BRME1: variants seen among roughly 807,000 people sequenced by gnomAD.
BRME1 encodes the protein BRCA2 and MEILB2-associating protein 1.
BRME1 carries 31 observed loss-of-function variants against 52.6 expected under a neutral mutation model. The observed-to-expected ratio is 0.59, with a 90% CI of 0.44 to 0.80. BRME1 has a LOEUF of 0.80. BRME1 is among the 30% of genes least tolerant of loss of function. The pLI, the probability that BRME1 is intolerant of heterozygous loss-of-function variation, is 0.00. For missense variants in BRME1, 804 were observed against 860.3 expected, an observed-to-expected ratio of 0.93 and a Z score of 0.82; for synonymous variants, 359 against 353.6, an observed-to-expected ratio of 1.02 and a Z score of -0.17.
intron 2 of BRME1, among the ~76,000 whole-genome samples, chr19:13,901,390 A>T (rs898268576): frequency 6.6e-6 from 1 of 152,124 alleles, no homozygotes; most frequent in Non-Finnish European, 1.5e-5. Context: ...AGTAAGTGTG[A>T]TGATTCGATT....
intron 6 of BRME1, among the ~76,000 whole-genome samples, chr19:13,887,677 T>G (rs1315619237): frequency 1.3e-5 from 2 of 151,880 alleles, no homozygotes; most frequent in African/African-American, 4.8e-5. Flanking sequence ...GGCATGAAGC[T>G]CTCATAAAAT....
At position 13,883,393 on chromosome 19, in the gene BRME1, C is replaced by G; in HGVS notation, c.1771G>C (p.Val591Leu). 1 of 1,533,576 alleles carries G rather than the reference C, an allele frequency of 6.5e-7. No individual in the cohort carries two copies. Among genetic ancestry groups the G allele is most frequent in the Non-Finnish European group, 8.7e-7 (1 of 1,144,776 alleles). 95.0% of individuals were successfully genotyped at this position (1,533,576 alleles called of 1,614,324 possible). ...GAGGCCTCAGAGGCCTGGATCCCCA[C>G]GAAGGTCCTGGCCAGCAGGGAAGGA... The part of the protein sequence containing the change: ...AVAKAQPRTF[V>L]GIQASEASRM... Residue 591 changes from valine (V) to leucine (L), a missense_variant, in exon 8 of 9, where the codon GTG (valine) becomes CTG (leucine). Physicochemically the swap from Val to Leu is conservative, Grantham distance 32. Around this residue, in one of 3 missense-constraint regions of BRME1, gnomAD observed 552 missense variants for 561.1 expected, o/e 0.98. Transcript: ENST00000586783. This position sits in a 1 kb window ranked among gnomAD's most constrained non-coding sequence, Gnocchi z 4.2.
intron 5 of BRME1, among the ~76,000 whole-genome samples, chr19:13,891,847 C>T (rs995803029): frequency 3.3e-5 from 5 of 151,414 alleles, no homozygotes; most frequent in Non-Finnish European, 5.9e-5. Context: ...CCGAGGCAGG[C>T]GGATCATTTG....
In BRME1 at chr19:13,882,913, G is replaced by C. The variant is rs1482837796; in HGVS notation, c.1896C>G (p.Phe632Leu). Reference sequence around the variant, plus strand: ...TTGTCTTCCGGTAGTTAAGGCGCTTGAAAGCTTCCAGGTCCCGGTGGGTGC... The same window carrying C: ...TTGTCTTCCGGTAGTTAAGGCGCTTCAAAGCTTCCAGGTCCCGGTGGGTGC... ...IMGTHRDLEA[F>L]KRLNYRKTKL... Residue 632 changes from phenylalanine to leucine, a missense_variant, in exon 9 of 9, where the codon TTC becomes TTG. By Grantham distance (22) the Phe-to-Leu change is conservative. This residue lies in a region of BRME1 where 552 missense variants were observed against 561.1 expected (regional missense o/e 0.98). Coordinates refer to ENST00000586783, the MANE Select transcript of BRME1 (RefSeq NM_001345843.2). 6.2e-7 allele frequency: 1 copy of C among 1,613,868 alleles called. No homozygotes were observed. The highest frequency in any genetic ancestry group is 8.5e-7 in the Non-Finnish European group (1 of 1,179,998).
chr19:13,890,391 G>A lies in BRME1; in HGVS notation c.465C>T (p.Leu155=), dbSNP rs1394943226. The part of the protein sequence containing the change: ...QLLVETLGVP[L]QEATELGDPT... ...GGTCCCCCAGCTCCGTGGCCTCCTG[G>A]AGGGGGACCCCCAGGGTCTCCACTA... is the stretch of plus-strand genomic sequence containing the variant. Residue 155 remains leucine (L), a synonymous_variant, in exon 6 of 9, where the codon CTC becomes CTT. Coordinates refer to ENST00000586783, the MANE Select transcript of BRME1 (RefSeq NM_001345843.2). 4 of 1,534,332 alleles carry A rather than the reference G, an allele frequency of 2.6e-6. No individual in the cohort carries two copies. Among genetic ancestry groups the A allele is most frequent in the Non-Finnish European group, 3.5e-6 (4 of 1,147,252 alleles).
chr19:13,887,314 G>A (rs1192321337), intron 6 of BRME1, among the ~76,000 whole-genome samples: 1 of 152,228 alleles, frequency 6.6e-6, no homozygotes, highest in Non-Finnish European at 1.5e-5. Context: ...GCCTCAACTT[G>A]CTGGGGAACG....
chr19:13,898,336 GC>G (rs2145208277), intron 2 of BRME1, among the ~76,000 whole-genome samples: 1 of 152,222 alleles, frequency 6.6e-6, no homozygotes, highest in South Asian at 2.1e-4. Flanking sequence ...CAAACCAACA[GC>G]CAGGTGTGGT....
intron 7 of BRME1, chr19:13,885,557 C>T (rs1361239637): frequency 1.2e-4 from 20 of 166,516 alleles, no homozygotes; most frequent in Non-Finnish European, 1.8e-4. Flanking sequence ...CTCGGGTGCC[C>T]GCCTGGTGCC....
chr19:13,903,303 T>C (rs1461159135), intron 2 of BRME1, among the ~76,000 whole-genome samples: 4 of 152,014 alleles, frequency 2.6e-5, no homozygotes, highest in Non-Finnish European at 5.9e-5. Flanking sequence ...ATCCTATGCA[T>C]GGTAGGATAT....
chr19:13,889,993 G>A lies in BRME1; in HGVS notation c.863C>T (p.Pro288Leu), dbSNP rs766910345. Residue 288 changes from proline (P) to leucine (L), a missense_variant, in exon 6 of 9, where the codon CCT (proline) becomes CTT (leucine). This residue lies in a region of BRME1 where 552 missense variants were observed against 561.1 expected (regional missense o/e 0.98). Coordinates refer to ENST00000586783, the MANE Select transcript of BRME1 (RefSeq NM_001345843.2). ...CTPASAPTSG[P>L]APGLGPASWC... The stretch of plus-strand genomic sequence containing the variant: ...AGAGGCAGGGCCCAGTCCTGGAGCA[G>A]GGCCTGAGGTAGGAGCTGATGCTGG... 2 of 1,613,014 alleles carry A rather than the reference G, an allele frequency of 1.2e-6. No individual in the cohort carries two copies. Among genetic ancestry groups the A allele is most frequent in the East Asian group, 4.5e-5 (2 of 44,888 alleles).
intron 2 of BRME1, among the ~76,000 whole-genome samples, chr19:13,896,127 G>A (rs549075278): frequency 3.9e-4 from 60 of 152,070 alleles, no homozygotes; most frequent in African/African-American, 1.3e-3. Flanking sequence ...AAAATTAGCC[G>A]GGCATGGTGG....
chr19:13,889,058 C>T lies in BRME1; in HGVS notation c.1668+130G>A, dbSNP rs532776166. 1.2e-4 allele frequency: 97 copies of T among 832,180 alleles called. No individual in the cohort carries two copies. In the East Asian group the frequency reaches 1.4e-3, roughly 12 times the overall value. 51.5% of individuals were successfully genotyped at this position (832,180 alleles called of 1,614,324 possible). A position where few individuals can be genotyped will look rare whatever the true frequency, so the allele number is the denominator to read the frequency against. ...GAGCTGCAACTCGGACTCCTATAGT[C>T]GTTGGCTGTGTAAATGGTAAGCCCT... On this transcript the variant is annotated intron_variant, in intron 6 of 8. Transcript: ENST00000586783.
chr19:13,883,166 C>A lies in BRME1; in HGVS notation c.1856+142G>T. ...TTCTGCAAAGGACGGGGGAGGGGGG[C>A]CACGGTGAGGACCCAGCAGCAGTGA... On this transcript the variant is annotated intron_variant, in intron 8 of 8. Coordinates refer to ENST00000586783, the MANE Select transcript of BRME1 (RefSeq NM_001345843.2). The surrounding 1 kb of genome is among the most constrained non-coding windows in gnomAD (Gnocchi z 4.2). 1 of 961,988 alleles carries A rather than the reference C, an allele frequency of 1.0e-6. No individual in the cohort carries two copies. The allele number at this position is 961,988 out of a possible 1,614,324, so 59.6% of individuals were successfully genotyped here.
At chr19:13,889,067 T>G in intron 6 of BRME1, 121 bp downstream of exon 6, 2 of 911,916 alleles carry the variant, frequency 2.2e-6, no homozygotes, top group Non-Finnish European at 3.2e-6. Context: ...TCGTTGGCTG[T>G]GTAAATGGTA....
intron 2 of BRME1, among the ~76,000 whole-genome samples, 169 bp from the exon 3 acceptor site, chr19:13,895,715 T>C (rs1969844174): frequency 6.6e-6 from 1 of 152,136 alleles, no homozygotes; most frequent in Admixed American, 6.6e-5. Flanking sequence ...ACACTGTTGG[T>C]GCTCAATAAA....
At position 13,882,952 on chromosome 19, in the gene BRME1, G is replaced by T; in HGVS notation, c.1857C>A (p.Asn619Lys). 1 of 1,611,988 alleles carries T rather than the reference G, an allele frequency of 6.2e-7. No homozygotes were observed. Among genetic ancestry groups the T allele is most frequent in the Non-Finnish European group, 8.5e-7 (1 of 1,179,574 alleles). Residue 619 changes from asparagine to lysine, a missense_variant and splice_region_variant, in exon 9 of 9, where the codon AAC becomes AAA. By Grantham distance (94) the Asn-to-Lys change is moderately conservative. Coordinates refer to ENST00000586783, the MANE Select transcript of BRME1 (RefSeq NM_001345843.2). ...CCCGGTGGGTGCCCATGATCAGCCG[G>T]CTGTGGGGGAAACACAGGCATGCGT... ...RGLIVELSNL[N>K]RLIMGTHRDL...
At chr19:13,892,249 A>G (rs1334633884) in intron 5 of BRME1, among the ~76,000 whole-genome samples, 2 of 152,100 alleles carry the variant, frequency 1.3e-5, no homozygotes, top group African/African-American at 2.4e-5. Flanking sequence ...GCTAAAACAG[A>G]GAACACCGGA....
At position 13,882,593 on chromosome 19, in the gene BRME1, C is replaced by T; in HGVS notation, c.*209G>A. On this transcript the variant is annotated 3_prime_UTR_variant, in exon 9 of 9. Transcript: ENST00000586783. ...CTGGGGCTGTGGGAGACACAGTTTC[C>T]CTCCCTGAAGCCAAGGGTGGCAAAT... The T allele has an allele frequency of 1.6e-6, 1 of 611,626 alleles. No homozygotes were observed. The highest frequency in any genetic ancestry group is 2.8e-6 in the Non-Finnish European group (1 of 357,574). The allele number at this position is 611,626 out of a possible 1,614,324, so 37.9% of individuals were successfully genotyped here.
chr19:13,886,731 G>A (rs762410245), intron 6 of BRME1, among the ~76,000 whole-genome samples: 1 of 151,470 alleles, frequency 6.6e-6, no homozygotes, highest in South Asian at 2.1e-4. Context: ...AGGCTGAGGT[G>A]GGAGGATTGT....
Sources: allele counts gnomAD v4.1 joint callset (sites outside exome capture counted in the v4.1 genomes callset), GRCh38; gene constraint gnomAD v4.1.1; regional missense constraint gnomAD v4.1.1; non-coding constraint Gnocchi (gnomAD v3.1); transcripts MANE v1.5; gene names NCBI Gene and HGNC (gene_info 2026-07-23, HGNC 2026-07-21).